The following SLC1A2 variants were observed in gnomAD, a reference collection of about 807,000 sequenced individuals.
The protein encoded by SLC1A2 is solute carrier family 1 member 2, also known as excitatory amino acid transporter 2.
In SLC1A2, 15 loss-of-function variants were observed where a neutral mutation model predicts 48.8. The observed-to-expected ratio is 0.31, with a 90% CI of 0.21 to 0.47. SLC1A2 has a LOEUF of 0.47. Among genes scored for constraint, SLC1A2 ranks in the 20% least tolerant of loss-of-function variants. SLC1A2 has a pLI of 0.99. For synonymous variants in SLC1A2, 279 were observed against 272.6 expected (o/e 1.02, Z -0.23); for missense variants, 502 against 730.5 (o/e 0.69, Z 3.61).
rs1950300323 is a variant in SLC1A2, at chr11:35,255,399, T to C, written c.*5495A>G. ...TAAGTTAGAGCATCTCTTCCTGCAA[T>C]GTGATACCCATGATAAAAACAAACC... On this transcript the variant is annotated 3_prime_UTR_variant, in exon 11 of 11. Coordinates refer to ENST00000278379, the MANE Select transcript of SLC1A2 (RefSeq NM_004171.4). The C allele has an allele frequency of 6.6e-6, 1 of 152,338 alleles. No individual in the cohort carries two copies. The highest frequency in any genetic ancestry group is 2.4e-5 in the African/African-American group (1 of 41,452). 9.4% of individuals were successfully genotyped at this position (152,338 alleles called of 1,614,324 possible).
At chr11:35,263,914 A>G (rs1015019566) in intron 10 of SLC1A2, 1 of 152,252 alleles carries the variant, frequency 6.6e-6, no homozygotes, top group African/African-American at 2.4e-5. Context: ...CACAATAAGT[A>G]CTTAAATATA....
At chr11:35,357,142 A>G (rs1853503469) in intron 1 of SLC1A2, among the ~76,000 whole-genome samples, 1 of 152,072 alleles carries the variant, frequency 6.6e-6, no homozygotes. Context: ...CTGTAAACCC[A>G]GTTACTAGGG....
chr11:35,263,376 G>A (rs1950426958), intron 10 of SLC1A2, among the ~76,000 whole-genome samples: 1 of 152,176 alleles, frequency 6.6e-6, no homozygotes, highest in African/African-American at 2.4e-5. Context: ...GCTGAGGCAG[G>A]AGAATTGCTT....
At chr11:35,407,727 A>G (rs1414568272) in intron 1 of SLC1A2, among the ~76,000 whole-genome samples, 2 of 152,172 alleles carry the variant, frequency 1.3e-5, no homozygotes, top group African/African-American at 4.8e-5. Context: ...AGCATGCAGC[A>G]CTGTCGGCCA....
chr11:35,419,769 G>A (rs1855730811), upstream of SLC1A2: 1 of 282,040 alleles, frequency 3.5e-6, no homozygotes, highest in African/African-American at 2.3e-5. The surrounding 1 kb of genome is among the most constrained non-coding windows in gnomAD (Gnocchi z 5.4). Flanking sequence ...AAGCCCGCGT[G>A]GCCCCAGGTC....
chr11:35,297,431 G>A (rs1212607453), intron 6 of SLC1A2, among the ~76,000 whole-genome samples: 1 of 152,064 alleles, frequency 6.6e-6, no homozygotes, highest in East Asian at 1.9e-4. Context: ...CCGTTGCTGT[G>A]GTCCCTGTGC....
At chr11:35,306,424 TA>T (rs1358211070) in intron 4 of SLC1A2, among the ~76,000 whole-genome samples, 182 bp from the exon 5 acceptor site, 2 of 152,252 alleles carry the variant, frequency 1.3e-5, no homozygotes, top group African/African-American at 4.8e-5. Context: ...AGTGGTGTTT[TA>T]TTATACACAG....
Position 35,338,891 on chromosome 11 carries a change from C to T in SLC1A2, c.18-21375G>A, listed in dbSNP as rs139976730. Among the ~76,000 whole-genome samples the T allele has an allele frequency of 3.3e-5, 5 of 152,320 alleles. No individual in the cohort carries two copies. In the East Asian group the frequency reaches 7.7e-4, roughly 24 times the overall value. ...TCACATAACCAGTAAGTGGCAGAGG[C>T]TAGGACCCAGGTCTCCACTGAGCTT... On this transcript the variant is annotated intron_variant, in intron 1 of 10. Transcript: ENST00000278379.
chr11:35,371,019 A>G (rs1338374940), intron 1 of SLC1A2: 1 of 984,894 alleles, frequency 1.0e-6, no homozygotes, highest in Non-Finnish European at 1.2e-6. Context: ...TCTCTCATTC[A>G]TGGGGTGAGT....
chr11:35,376,005 C>G (rs2135184056), intron 1 of SLC1A2, among the ~76,000 whole-genome samples: 1 of 152,290 alleles, frequency 6.6e-6, no homozygotes, highest in East Asian at 1.9e-4. Context: ...AGTCCATACT[C>G]CTAACCTCCA....
At chr11:35,261,802 T>C in intron 10 of SLC1A2, 1 of 398,426 alleles carries the variant, frequency 2.5e-6, no homozygotes, top group Non-Finnish European at 4.4e-6. Flanking sequence ...TTGAAAGAAA[T>C]CTGACTTTCT....
intron 7 of SLC1A2, among the ~76,000 whole-genome samples, chr11:35,287,670 C>T (rs1850871555): frequency 1.3e-5 from 2 of 152,184 alleles, no homozygotes; most frequent in Non-Finnish European, 2.9e-5. Flanking sequence ...TCCTCCCAGG[C>T]CTGGGATGTG....
At chr11:35,358,690 G>A (rs1455098165) in intron 1 of SLC1A2, among the ~76,000 whole-genome samples, 3 of 152,070 alleles carry the variant, frequency 2.0e-5, no homozygotes, top group South Asian at 2.1e-4. Flanking sequence ...ACTAACATGT[G>A]AAAGAACAGA....
intron 1 of SLC1A2, among the ~76,000 whole-genome samples, chr11:35,365,845 G>A (rs1402327007): frequency 6.6e-6 from 1 of 152,160 alleles, no homozygotes; most frequent in Admixed American, 6.5e-5. Flanking sequence ...TACATCAGTG[G>A]CTCTCTACAG....
At chr11:35,366,743 T>C (rs1217224391) in intron 1 of SLC1A2, among the ~76,000 whole-genome samples, 3 of 152,158 alleles carry the variant, frequency 2.0e-5, no homozygotes, top group Admixed American at 6.5e-5. Context: ...AAGTAACACA[T>C]GCCACTTCCA....
chr11:35,357,511 A>G (rs1165234182), intron 1 of SLC1A2, among the ~76,000 whole-genome samples: 1 of 152,228 alleles, frequency 6.6e-6, no homozygotes, highest in African/African-American at 2.4e-5. Flanking sequence ...GGTGCATGGA[A>G]CAATCTCTAA....
chr11:35,419,791 G>T, upstream of SLC1A2: 1 of 328,198 alleles, frequency 3.0e-6, no homozygotes, highest in Non-Finnish European at 6.5e-6. This position sits in a 1 kb window ranked among gnomAD's most constrained non-coding sequence, Gnocchi z 5.4. Context: ...CCCCGTGCGG[G>T]GTGAAGCGCA....
intron 1 of SLC1A2, among the ~76,000 whole-genome samples, chr11:35,356,946 A>C (rs1201344700): frequency 6.6e-6 from 1 of 152,230 alleles, no homozygotes; most frequent in African/African-American, 2.4e-5. Context: ...ATTATAAAAA[A>C]GTAAGATCTT....
At chr11:35,353,858 G>A (rs190656385) in intron 1 of SLC1A2, among the ~76,000 whole-genome samples, 7 of 152,294 alleles carry the variant, frequency 4.6e-5, no homozygotes, top group Admixed American at 2.6e-4. Context: ...ACAGGCCAAA[G>A]CCTCCCTTGA....
Sources: allele counts gnomAD v4.1 joint callset (sites outside exome capture counted in the v4.1 genomes callset), GRCh38; gene constraint gnomAD v4.1.1; non-coding constraint Gnocchi (gnomAD v3.1); transcripts MANE v1.5; gene names NCBI Gene and HGNC (gene_info 2026-07-23, HGNC 2026-07-21).